KALRN: variants seen among roughly 807,000 people sequenced by gnomAD.
The protein encoded by KALRN is kalirin RhoGEF kinase.
A neutral mutation model predicts 353.7 loss-of-function variants in KALRN; 70 were observed. That is an observed-to-expected ratio of 0.20 (90% CI 0.16 to 0.24). KALRN has a LOEUF of 0.24. Ranked by LOEUF, KALRN falls within the 10% of genes least tolerant of loss-of-function variation. The pLI, the probability that KALRN is intolerant of heterozygous loss-of-function variation, is 1.00. For synonymous variants in KALRN, 1,391 were observed against 1,434.8 expected, an observed-to-expected ratio of 0.97 and a Z score of 0.69; for missense variants, 2,791 against 3,756.7, an observed-to-expected ratio of 0.74 and a Z score of 6.72.
chr3:124,291,036 C>T (rs1466048967), intron 5 of KALRN, among the ~76,000 whole-genome samples: 1 of 152,156 alleles, frequency 6.6e-6, no homozygotes, highest in Non-Finnish European at 1.5e-5. Context: ...CTACCATGGG[C>T]CATCTTGGGT....
chr3:124,144,601 TCTC>T (rs1248446097), intron 1 of KALRN, among the ~76,000 whole-genome samples: 124 of 136,496 alleles, frequency 9.1e-4, no homozygotes, highest in African/African-American at 3.3e-3. Context: ...TCGTCTTCCT[TCTC>T]CTCCTCTTCC....
intron 1 of KALRN, among the ~76,000 whole-genome samples, chr3:124,109,705 T>C (rs955991320): frequency 4.7e-5 from 7 of 148,820 alleles, no homozygotes; most frequent in Non-Finnish European, 1.0e-4. Context: ...CATACTTTGA[T>C]ATATATATGA....
intron 34 of KALRN, among the ~76,000 whole-genome samples, chr3:124,606,428 C>T (rs143068015): frequency 6.6e-6 from 1 of 152,254 alleles, no homozygotes; most frequent in African/African-American, 2.4e-5. Context: ...TATGAAAACG[C>T]CCAGGCCATG....
At position 124,712,935 on chromosome 3, in the gene KALRN, A is replaced by G. The variant is rs201457472; in HGVS notation, c.8076A>G (p.Arg2692=). 9.5e-4 allele frequency: 1,532 copies of G among 1,607,836 alleles called. 9 individuals are homozygous for G. Among genetic ancestry groups the G allele is most frequent in the South Asian group, 8.8e-3 (795 of 89,988 alleles). Residue 2692 remains arginine, a splice_region_variant and synonymous_variant, in exon 58 of 60, where the codon AGA becomes AGG. Coordinates refer to ENST00000682506, the MANE Select transcript of KALRN (RefSeq NM_001388419.1). ...SAYTELNEIG[R]GRFSIVKKCI... ...CAAACTCTCCCTTTTGTTTTTCCAG[A>G]GGCCGTTTCTCTATAGTAAAGAAAT...
chr3:124,416,832 T>A (rs2092529960), intron 14 of KALRN, among the ~76,000 whole-genome samples: 1 of 152,226 alleles, frequency 6.6e-6, no homozygotes, highest in South Asian at 2.1e-4. Context: ...AAAGGTAAAA[T>A]AAACTGTAGT....
chr3:124,348,878 C>T (rs1205509434), intron 10 of KALRN, among the ~76,000 whole-genome samples: 4 of 151,972 alleles, frequency 2.6e-5, no homozygotes, highest in Admixed American at 1.3e-4. Flanking sequence ...CCACCACACC[C>T]GGCTAATTTT....
chr3:124,125,494 T>C (rs2064549144), intron 1 of KALRN, among the ~76,000 whole-genome samples: 1 of 152,192 alleles, frequency 6.6e-6, no homozygotes, highest in African/African-American at 2.4e-5. Flanking sequence ...GCTGGTGACC[T>C]TGAGCTGTCA....
intron 6 of KALRN, among the ~76,000 whole-genome samples, chr3:124,299,584 A>G (rs1287391280): frequency 6.6e-6 from 1 of 152,200 alleles, no homozygotes; most frequent in Non-Finnish European, 1.5e-5. Context: ...CTGTTTGGCC[A>G]GATAGAACTT....
intron 2 of KALRN, among the ~76,000 whole-genome samples, chr3:124,233,746 TGGTGA>T (rs1245146619): frequency 2.6e-5 from 4 of 152,174 alleles, no homozygotes; most frequent in Non-Finnish European, 1.5e-5. Flanking sequence ...TTTCCAGTAT[TGGTGA>T]GGTTCGCACC....
At chr3:124,051,414 A>T (rs1038848854) in intron 1 of KALRN, among the ~76,000 whole-genome samples, 1 of 152,238 alleles carries the variant, frequency 6.6e-6, no homozygotes, top group Non-Finnish European at 1.5e-5. Flanking sequence ...TCAACTTTCA[A>T]CAATGACGAG....
intron 34 of KALRN, among the ~76,000 whole-genome samples, chr3:124,604,742 A>G (rs1293650098): frequency 6.6e-6 from 1 of 152,084 alleles, no homozygotes; most frequent in African/African-American, 2.4e-5. Context: ...ACTGGAATGC[A>G]GTGGTACGAT....
chr3:124,699,761 A>G, intron 55 of KALRN, 108 bp from the exon 56 acceptor site: 10 of 1,031,732 alleles, frequency 9.7e-6, no homozygotes, highest in Non-Finnish European at 1.5e-5. Flanking sequence ...AACCACAAGC[A>G]TCCCTTGAAT....
intron 22 of KALRN, among the ~76,000 whole-genome samples, chr3:124,455,687 G>A (rs546363523): frequency 2.6e-5 from 4 of 152,294 alleles, no homozygotes; most frequent in African/African-American, 7.2e-5. Flanking sequence ...GGCTTCATAA[G>A]TACCATCTTC....
At chr3:124,713,758 A>G (rs1232066746) in intron 58 of KALRN, among the ~76,000 whole-genome samples, 1 of 152,210 alleles carries the variant, frequency 6.6e-6, no homozygotes, top group Non-Finnish European at 1.5e-5. Flanking sequence ...ATTAAAGAGA[A>G]CAGAGTCTTT....
rs185790467 is a variant in KALRN at position 124,666,022 on chromosome 3, G to A, written c.6346-427G>A. 1.8e-3 allele frequency among the ~76,000 whole-genome samples: 276 copies of A among 152,122 alleles called. 5 individuals carry two copies. Among genetic ancestry groups the A allele is most frequent in the Non-Finnish European group, 4.0e-4 (27 of 68,002 alleles). ...GCCATGAGAATGCCCTTGGTCCTTG[G>A]CCCATACTGCAAAGGAACCAGGCAG... On this transcript the variant is annotated intron_variant, in intron 45 of 59. Coordinates refer to ENST00000682506, the MANE Select transcript of KALRN (RefSeq NM_001388419.1).
At position 124,527,780 on chromosome 3, in the gene KALRN, C is replaced by T. The variant is rs149815639; in HGVS notation, c.4935+31367C>T. 6.6e-5 allele frequency among the ~76,000 whole-genome samples: 10 copies of T among 152,188 alleles called. No individual in the cohort carries two copies. In the East Asian group the frequency reaches 1.9e-3, roughly 29 times the overall value. On this transcript the variant is annotated intron_variant, in intron 33 of 59. Coordinates refer to ENST00000682506, the MANE Select transcript of KALRN (RefSeq NM_001388419.1). ...GGGAACCTCAAACTATTCCCCCATC[C>T]TTTACCAGCAGTCAAGAGAAGCCTT...
At chr3:124,343,171 A>G (rs1332479942) in intron 9 of KALRN, among the ~76,000 whole-genome samples, 1 of 152,166 alleles carries the variant, frequency 6.6e-6, no homozygotes, top group East Asian at 1.9e-4. Flanking sequence ...ATATATATAC[A>G]CATATATTTG....
chr3:124,239,232 C>T (rs1317088526), intron 3 of KALRN, among the ~76,000 whole-genome samples: 1 of 152,182 alleles, frequency 6.6e-6, no homozygotes, highest in Admixed American at 6.5e-5. Flanking sequence ...TGAGAGTAAA[C>T]AACTGTCCAG....
intron 10 of KALRN, among the ~76,000 whole-genome samples, chr3:124,381,426 A>G (rs1214427412): frequency 1.3e-5 from 2 of 152,208 alleles, no homozygotes; most frequent in African/African-American, 4.8e-5. Context: ...ATTTTACCCC[A>G]AAGGCAGTGG....
Sources: gnomAD v4.1 joint callset for allele counts (sites outside exome capture counted in the v4.1 genomes callset) on GRCh38, gnomAD v4.1.1 for gene constraint, MANE v1.5 for transcripts, NCBI Gene and HGNC (gene_info 2026-07-23, HGNC 2026-07-21) for gene names.